Variants in SYNE1 observed in about 807,000 individuals in gnomAD.
The protein encoded by SYNE1 is nesprin-1.
SYNE1 carries 616 observed loss-of-function variants against 1,111.0 expected under a neutral mutation model. The ratio of observed to expected loss-of-function variants is 0.55; its 90% confidence interval spans 0.52 to 0.59. The LOEUF (loss-of-function observed/expected upper bound fraction) is 0.59, where lower values mean the gene tolerates loss of function less well. Ranked by LOEUF, SYNE1 falls within the 20% of genes least tolerant of loss-of-function variation. The pLI, the probability that SYNE1 is intolerant of heterozygous loss-of-function variation, is 0.00. For missense variants in SYNE1, 10,006 were observed against 10,417.0 expected (o/e 0.96, Z 1.72); for synonymous variants, 3,855 against 3,825.8 (o/e 1.01, Z -0.28).
rs559838470 is a variant in SYNE1 at position 152,500,865 on chromosome 6, G to A, written c.888+1768C>T. ...ACTTGGGAGGCTGAGGCAGGAGAATGGCATGAACCTGGGAGGCGGAGCTTG... is the reference window on the plus strand; with the variant it reads ...ACTTGGGAGGCTGAGGCAGGAGAATAGCATGAACCTGGGAGGCGGAGCTTG... On this transcript the variant is annotated intron_variant, in intron 10 of 145. Transcript: ENST00000367255. Among the ~76,000 whole-genome samples, 64 of 151,422 alleles carry A rather than the reference G, an allele frequency of 4.2e-4. No homozygotes were observed. The South Asian group carries it at 8.6e-3, about 20-fold the overall frequency.
At position 152,626,421 on chromosome 6, in the gene SYNE1, G is replaced by A. The variant is rs1583666853; in HGVS notation, c.67+1844C>T. Among the ~76,000 whole-genome samples the A allele has an allele frequency of 2.6e-5, 4 of 152,126 alleles. No individual in the cohort carries two copies. The South Asian group carries it at 8.3e-4, about 32-fold the overall frequency. ...TCATTTCATAGATGATGTCATTGAG[G>A]CACAAAATGGTTCAACAATTTACCC... On this transcript the variant is annotated intron_variant, in intron 3 of 145. Coordinates refer to ENST00000367255, the MANE Select transcript of SYNE1 (RefSeq NM_182961.4).
chr6:152,424,521 C>T (rs573603195), intron 39 of SYNE1, among the ~76,000 whole-genome samples: 2 of 152,254 alleles, frequency 1.3e-5, no homozygotes, highest in East Asian at 1.9e-4. Context: ...TATAATACTT[C>T]GTGTTCACCC....
chr6:152,523,910 G>A (rs1387729836), intron 5 of SYNE1, among the ~76,000 whole-genome samples: 2 of 152,072 alleles, frequency 1.3e-5, no homozygotes, highest in African/African-American at 4.8e-5. Context: ...TGTAACCTGA[G>A]ACTTTATTGA....
chr6:152,190,525 A>T (rs1033272097), intron 127 of SYNE1, among the ~76,000 whole-genome samples: 1 of 152,226 alleles, frequency 6.6e-6, no homozygotes, highest in Non-Finnish European at 1.5e-5. Flanking sequence ...TTAATAGATG[A>T]TAGCAAAGTA....
chr6:152,381,522 T>G, intron 55 of SYNE1, 160 bp from the exon 56 acceptor site: 1 of 752,950 alleles, frequency 1.3e-6, no homozygotes, highest in Non-Finnish European at 2.3e-6. Flanking sequence ...TAAATTATAA[T>G]AGCGGGAGTT....
intron 141 of SYNE1, 23 bp downstream of exon 141, chr6:152,136,595 C>G: frequency 3.7e-6 from 6 of 1,612,140 alleles, no homozygotes; most frequent in Non-Finnish European, 5.1e-6. Flanking sequence ...TCTGAGTCAC[C>G]TCCTGCCCAA....
In SYNE1 at chr6:152,255,057, T is replaced by C. The variant is rs1212420261; in HGVS notation, c.19293A>G (p.Glu6431=). 2 of 1,606,378 alleles carry C rather than the reference T, an allele frequency of 1.2e-6. No individual in the cohort carries two copies. Among genetic ancestry groups the C allele is most frequent in the African/African-American group, 1.3e-5 (1 of 74,840 alleles). Residue 6431 remains glutamate (E), a synonymous_variant, in exon 104 of 146, where the codon GAA becomes GAG. Coordinates refer to ENST00000367255, the MANE Select transcript of SYNE1 (RefSeq NM_182961.4). ...ACAAGTTTTTGTTCTTATCCATTTCTTCAGACATTTCCTTAATGTCTTTGG... is the reference window on the plus strand; with the variant it reads ...ACAAGTTTTTGTTCTTATCCATTTCCTCAGACATTTCCTTAATGTCTTTGG... The part of the protein sequence containing the change: ...ILAKDIKEMS[E]EMDKNKNLFS...
intron 46 of SYNE1, 103 bp from the exon 47 acceptor site, chr6:152,401,444 G>T: frequency 1.7e-6 from 2 of 1,160,064 alleles, no homozygotes; most frequent in South Asian, 1.3e-5. Flanking sequence ...AGCCACACAA[G>T]TCTCATCATG....
At chr6:152,316,696 C>T in intron 87 of SYNE1, 153 bp downstream of exon 87, 1 of 763,498 alleles carries the variant, frequency 1.3e-6, no homozygotes, top group Non-Finnish European at 2.1e-6. Context: ...CCTTTCTGTC[C>T]AACTACTGAA....
intron 27 of SYNE1, among the ~76,000 whole-genome samples, chr6:152,449,971 G>T (rs1347373261): frequency 6.6e-6 from 1 of 152,192 alleles, no homozygotes; most frequent in Non-Finnish European, 1.5e-5. Context: ...CGAACCTATA[G>T]AGGAAGAAGC....
intron 9 of SYNE1, among the ~76,000 whole-genome samples, chr6:152,503,178 C>CAT (rs139139826): frequency 9.9e-4 from 148 of 150,198 alleles, no homozygotes; most frequent in South Asian, 4.0e-3. Flanking sequence ...CACTGAATGA[C>CAT]ATATATATAT....
At chr6:152,236,675 CAG>C in intron 109 of SYNE1, 140 bp downstream of exon 109, 1 of 1,103,796 alleles carries the variant, frequency 9.1e-7, no homozygotes, top group East Asian at 2.5e-5. Flanking sequence ...CTATAAATAA[CAG>C]AAACATTATC....
chr6:152,228,293 C>A (rs1429173280), intron 115 of SYNE1, among the ~76,000 whole-genome samples: 1 of 152,160 alleles, frequency 6.6e-6, no homozygotes, highest in African/African-American at 2.4e-5. Flanking sequence ...CATTTGAAAT[C>A]ATGAACCGGC....
At position 152,604,944 on chromosome 6, in the gene SYNE1, CAAAGAAAGAAAGAAAGAAAGAAAG is replaced by C. The variant is rs1185668483; in HGVS notation, c.67+23297_67+23320del. Among the ~76,000 whole-genome samples, 435 of 65,916 alleles carry C rather than the reference CAAAGAAAGAAAGAAAGAAAGAAAG, an allele frequency of 6.6e-3. 14 individuals are homozygous for C. The highest frequency in any genetic ancestry group is 0.016 in the Middle Eastern group (2 of 122). The allele number at this position is 65,916 out of a possible 152,430, so 43.2% of individuals were successfully genotyped here. On this transcript the variant is annotated intron_variant, in intron 3 of 145. Transcript: ENST00000367255. Reference sequence around the variant, plus strand: ...ACTCAAACAGTGAGACCCTATCTCACAAAGAAAGAAAGAAAGAAAGAAAGAAAGAAAGAAAGAAAGAAAGAAAGA... The same window carrying C: ...ACTCAAACAGTGAGACCCTATCTCACAAAGAAAGAAAGAAAGAAAGAAAGA...
Position 152,628,369 on chromosome 6 carries a change from C to G in SYNE1, c.-38G>C. On this transcript the variant is annotated 5_prime_UTR_variant, in exon 3 of 146. Coordinates refer to ENST00000367255, the MANE Select transcript of SYNE1 (RefSeq NM_182961.4). ...AGCACGAAGCCAACACCAAGAGACTCTTCACTGGAGGCAGCACAGGGCTAC... is the reference window on the plus strand; with the variant it reads ...AGCACGAAGCCAACACCAAGAGACTGTTCACTGGAGGCAGCACAGGGCTAC... 2 of 1,604,882 alleles carry G rather than the reference C, an allele frequency of 1.2e-6. No homozygotes were observed. Among genetic ancestry groups the G allele is most frequent in the Non-Finnish European group, 1.7e-6 (2 of 1,171,680 alleles).
intron 76 of SYNE1, among the ~76,000 whole-genome samples, chr6:152,334,525 G>C (rs1053782805): frequency 1.3e-5 from 2 of 152,100 alleles, no homozygotes; most frequent in African/African-American, 4.8e-5. Context: ...TATTCCAAGA[G>C]GCATAAAGAA....
chr6:152,605,025 A>AGGGG (rs1565141044), intron 3 of SYNE1, among the ~76,000 whole-genome samples: 2 of 67,446 alleles, frequency 3.0e-5, no homozygotes, highest in African/African-American at 1.5e-4. Flanking sequence ...AGAGAGAGAG[A>AGGGG]GAGAGAGAGA....
chr6:152,227,473 T>C (rs2081859425), intron 115 of SYNE1, among the ~76,000 whole-genome samples: 1 of 152,196 alleles, frequency 6.6e-6, no homozygotes, highest in Non-Finnish European at 1.5e-5. Context: ...TTCATATTGT[T>C]CTCTTATTTC....
At chr6:152,383,979 C>G (rs2154120727) in intron 55 of SYNE1, among the ~76,000 whole-genome samples, 1 of 152,296 alleles carries the variant, frequency 6.6e-6, no homozygotes, top group East Asian at 1.9e-4. Flanking sequence ...TTGACTCTTC[C>G]CACCTTGTCA....
Sources: allele counts gnomAD v4.1 joint callset (sites outside exome capture counted in the v4.1 genomes callset), GRCh38; gene constraint gnomAD v4.1.1; transcripts MANE v1.5; gene names NCBI Gene and HGNC (gene_info 2026-07-23, HGNC 2026-07-21).